The following ANKRD26 variants were observed in gnomAD, a reference collection of about 807,000 sequenced individuals.
ANKRD26 encodes ankyrin repeat domain-containing protein 26.
In ANKRD26, 141 loss-of-function variants were observed where a neutral mutation model predicts 208.7. The ratio of observed to expected loss-of-function variants is 0.68; its 90% CI spans 0.59 to 0.78. ANKRD26 has a LOEUF of 0.78. Ranked by LOEUF, ANKRD26 falls within the 30% of genes least tolerant of loss-of-function variation. The pLI, the probability that ANKRD26 is intolerant of heterozygous loss-of-function variation, is 0.00. For missense variants in ANKRD26, 1,889 were observed against 1,938.7 expected (o/e 0.97, Z 0.48); for synonymous variants, 636 against 660.4 (o/e 0.96, Z 0.57).
chr10:26,995,346 G>C (rs528608663), intron 4 of ANKRD26, among the ~76,000 whole-genome samples: 1 of 152,308 alleles, frequency 6.6e-6, no homozygotes, highest in East Asian at 1.9e-4. Context: ...GTATAGAAGG[G>C]AAGTGGCTGA....
downstream of ANKRD26, among the ~76,000 whole-genome samples, chr10:26,972,739 C>G (rs960781354): frequency 2.0e-5 from 3 of 151,746 alleles, no homozygotes; most frequent in South Asian, 4.2e-4. Context: ...TACAGGCGCC[C>G]GCCACCGTGC....
At chr10:27,087,102 A>T (rs2056149967) in intron 4 of ANKRD26, among the ~76,000 whole-genome samples, 1 of 152,122 alleles carries the variant, frequency 6.6e-6, no homozygotes, top group Non-Finnish European at 1.5e-5. Context: ...AAATTAAAGG[A>T]GAAAAAGATT....
At chr10:26,973,180 G>A (rs985060825), downstream of ANKRD26, among the ~76,000 whole-genome samples, 1 of 151,960 alleles carries the variant, frequency 6.6e-6, no homozygotes, top group African/African-American at 2.4e-5. Context: ...ATTTCCTTTA[G>A]TTATTAATAA....
intron 24 of ANKRD26, among the ~76,000 whole-genome samples, chr10:27,034,215 T>G (rs925141917): frequency 6.6e-6 from 1 of 152,200 alleles, no homozygotes; most frequent in Non-Finnish European, 1.5e-5. Context: ...AATTGAGAGA[T>G]CATAACAATA....
At chr10:26,989,821 G>T (rs2052454225), downstream of ANKRD26, among the ~76,000 whole-genome samples, 1 of 152,160 alleles carries the variant, frequency 6.6e-6, no homozygotes, top group African/African-American at 2.4e-5. Flanking sequence ...GAAGATGGTA[G>T]CCTGGAGCAT....
At chr10:27,049,053 T>C in intron 16 of ANKRD26, 74 bp from the exon 17 acceptor site, 2 of 1,302,638 alleles carry the variant, frequency 1.5e-6, no homozygotes. Flanking sequence ...TCATTGAGTT[T>C]ATCATTTGAC....
intron 1 of ANKRD26, among the ~76,000 whole-genome samples, chr10:27,095,346 T>C (rs2056433639): frequency 6.6e-6 from 1 of 152,238 alleles, no homozygotes; most frequent in Admixed American, 6.5e-5. Flanking sequence ...TTATTTCTTA[T>C]AATTTTCTAC....
At chr10:26,994,490 T>TC (rs989935823) in intron 5 of ANKRD26, among the ~76,000 whole-genome samples, 2 of 152,060 alleles carry the variant, frequency 1.3e-5, no homozygotes, top group African/African-American at 4.8e-5. Flanking sequence ...GAGACAGGTA[T>TC]CCCCCTTTCT....
chr10:26,993,225 C>G (rs1488046454), intron 5 of ANKRD26, among the ~76,000 whole-genome samples: 1 of 152,160 alleles, frequency 6.6e-6, no homozygotes, highest in Non-Finnish European at 1.5e-5. Context: ...ATCTAGGGAA[C>G]ATCATCTTAA....
At chr10:26,995,704 G>T (rs2052576609) in intron 4 of ANKRD26, among the ~76,000 whole-genome samples, 1 of 152,144 alleles carries the variant, frequency 6.6e-6, no homozygotes, top group Non-Finnish European at 1.5e-5. Context: ...CAGATAATAT[G>T]CCCCCAAATA....
intron 7 of ANKRD26, among the ~76,000 whole-genome samples, chr10:27,078,143 T>A (rs2055766882): frequency 6.6e-6 from 1 of 152,168 alleles, no homozygotes; most frequent in Non-Finnish European, 1.5e-5. Flanking sequence ...TCTTAGTATA[T>A]TTTATGAAAG....
intron 21 of ANKRD26, among the ~76,000 whole-genome samples, chr10:27,038,661 A>C (rs908786389): frequency 6.6e-6 from 1 of 152,174 alleles, no homozygotes; most frequent in Non-Finnish European, 1.5e-5. Flanking sequence ...AAAAAAAAAA[A>C]AAAATCTTTT....
the ANKRD26 span, among the ~76,000 whole-genome samples, chr10:26,953,883 C>T: frequency 6.6e-6 from 1 of 152,144 alleles, no homozygotes. Context: ...CTGGGACGTG[C>T]ATCAAGCAGT....
At chr10:26,957,599 C>T in the ANKRD26 span, among the ~76,000 whole-genome samples, 227 of 151,974 alleles carry the variant, frequency 1.5e-3, 1 homozygote, top group Non-Finnish European at 2.4e-3. Context: ...TGGTATCTGA[C>T]TAATTAAAAA....
chr10:27,005,593 G>C lies in ANKRD26; in HGVS notation c.5130C>G (p.Ile1710Met), dbSNP rs754393445. Residue 1710 changes from isoleucine to methionine, a missense_variant, in exon 34 of 34, where the codon ATC becomes ATG. By Grantham distance (10) the Ile-to-Met change is conservative. Transcript: ENST00000376087. ...CCCAGTAATAAAATCTTATCTTTCA[G>C]ATCATATAATTTTTCTTTAAAACCT... ...YVQVLKKNYM[I>M] The C allele has an allele frequency of 3.1e-6, 5 of 1,608,044 alleles. No homozygotes were observed. The Admixed American group carries it at 5.0e-5, about 16-fold the overall frequency.
intron 15 of ANKRD26, among the ~76,000 whole-genome samples, chr10:27,054,595 A>G (rs1484170076): frequency 6.6e-6 from 1 of 152,188 alleles, no homozygotes; most frequent in Non-Finnish European, 1.5e-5. Context: ...AATGTAAATA[A>G]AAGTGTCAAA....
chr10:27,095,371 T>C (rs1427068587), intron 1 of ANKRD26, among the ~76,000 whole-genome samples: 1 of 152,220 alleles, frequency 6.6e-6, no homozygotes, highest in African/African-American at 2.4e-5. Flanking sequence ...AGAAACACTT[T>C]TGTTTATAAA....
chr10:27,095,245 T>C (rs947045860), intron 1 of ANKRD26, among the ~76,000 whole-genome samples: 9 of 152,232 alleles, frequency 5.9e-5, no homozygotes, highest in African/African-American at 9.6e-5. Context: ...GCTCATTTTA[T>C]TCAATATTTA....
In ANKRD26 at chr10:27,004,653, T is replaced by G. The variant is rs2052808408; in HGVS notation, c.*937A>C. ...ATACTCCTGCCAAAAAATCATATAATCTAAATCTAATCACCATGAAACCCA... is the reference window on the plus strand; with the variant it reads ...ATACTCCTGCCAAAAAATCATATAAGCTAAATCTAATCACCATGAAACCCA... On this transcript the variant is annotated 3_prime_UTR_variant, in exon 34 of 34. Coordinates refer to ENST00000376087, the MANE Select transcript of ANKRD26 (RefSeq NM_014915.3). 1 of 152,114 alleles carries G rather than the reference T, an allele frequency of 6.6e-6. No homozygotes were observed. Among genetic ancestry groups the G allele is most frequent in the African/African-American group, 2.4e-5 (1 of 41,442 alleles). The allele number at this position is 152,114 out of a possible 1,614,324, so 9.4% of individuals were successfully genotyped here.
Sources: gnomAD v4.1 joint callset for allele counts (sites outside exome capture counted in the v4.1 genomes callset) on GRCh38, gnomAD v4.1.1 for gene constraint, MANE v1.5 for transcripts, NCBI Gene and HGNC (gene_info 2026-07-23, HGNC 2026-07-21) for gene names.